Variants in FAM120A observed in about 807,000 individuals in gnomAD.
The protein encoded by FAM120A is family with sequence similarity 120 member A.
FAM120A carries 15 observed loss-of-function variants against 109.7 expected under a neutral mutation model. That is an observed-to-expected ratio of 0.14 (90% CI 0.09 to 0.21). The LOEUF (loss-of-function observed/expected upper bound fraction) is 0.21. FAM120A is among the 10% of genes least tolerant of loss of function. The probability of loss-of-function intolerance (pLI) is 1.00; values close to 1 mark genes in which losing one functional copy is unlikely to be tolerated. For missense variants in FAM120A, 899 were observed against 1,439.3 expected, an observed-to-expected ratio of 0.62 and a Z score of 6.07; for synonymous variants, 493 against 572.8, an observed-to-expected ratio of 0.86 and a Z score of 1.99.
chr9:93,460,376 C>G (rs565147322), intron 1 of FAM120A, among the ~76,000 whole-genome samples: 1 of 152,178 alleles, frequency 6.6e-6, no homozygotes, highest in African/African-American at 2.4e-5. Flanking sequence ...AAGTCTCACT[C>G]TGTTGCCCAA....
chr9:93,467,323 C>G (rs1223809537), intron 1 of FAM120A, among the ~76,000 whole-genome samples: 1 of 143,952 alleles, frequency 6.9e-6, no homozygotes, highest in Non-Finnish European at 1.5e-5. Context: ...AGGACATCCT[C>G]TCTGTTACTC....
intron 5 of FAM120A, among the ~76,000 whole-genome samples, chr9:93,506,493 G>A (rs1860061927): frequency 6.6e-6 from 1 of 151,580 alleles, no homozygotes; most frequent in African/African-American, 2.4e-5. Context: ...AATTTTCATA[G>A]TTTATTTGTA....
intron 1 of FAM120A, among the ~76,000 whole-genome samples, chr9:93,462,422 CGT>C (rs1191015297): frequency 3.3e-5 from 5 of 152,072 alleles, no homozygotes; most frequent in Non-Finnish European, 7.4e-5. Flanking sequence ...GGATTACAGG[CGT>C]GCGCCTGCCA....
Position 93,498,653 on chromosome 9 carries a change from G to C in FAM120A, c.934-137G>C. On this transcript the variant is annotated intron_variant, in intron 4 of 17. Coordinates refer to ENST00000277165, the MANE Select transcript of FAM120A (RefSeq NM_014612.5). This position sits in a 1 kb window ranked among gnomAD's most constrained non-coding sequence, Gnocchi z 4.4. ...AGTAATCTATTGATTTTCCCTGAAA[G>C]TTTTAATGTCATTCAAAATTCTTCT... 1 of 689,252 alleles carries C rather than the reference G, an allele frequency of 1.5e-6. No individual in the cohort carries two copies. Among genetic ancestry groups the C allele is most frequent in the South Asian group, 1.6e-5 (1 of 63,160 alleles). The allele number at this position is 689,252 out of a possible 1,614,324, so 42.7% of individuals were successfully genotyped here.
chr9:93,514,221 A>G (rs1465130393), intron 5 of FAM120A, among the ~76,000 whole-genome samples: 1 of 152,174 alleles, frequency 6.6e-6, no homozygotes, highest in African/African-American at 2.4e-5. Context: ...GAACTCATTC[A>G]CTATCATTAG....
chr9:93,507,083 T>A (rs1407108511), intron 5 of FAM120A, among the ~76,000 whole-genome samples: 1 of 152,134 alleles, frequency 6.6e-6, no homozygotes, highest in Non-Finnish European at 1.5e-5. Flanking sequence ...GGTGTGCATT[T>A]GAATTGCTTG....
chr9:93,532,415 C>T lies in FAM120A; in HGVS notation c.1909+86C>T. 6.7e-7 allele frequency: 1 copy of T among 1,486,930 alleles called. No individual in the cohort carries two copies. The highest frequency in any genetic ancestry group is 9.4e-7 in the Non-Finnish European group (1 of 1,067,384). 92.1% of individuals were successfully genotyped at this position (1,486,930 alleles called of 1,614,324 possible). The stretch of plus-strand genomic sequence containing the variant: ...TTCTAAAGCCTTAGAAGAATCATGA[C>T]TGAGTTGACCCCGAGTGCCTCTGTG... On this transcript the variant is annotated intron_variant, in intron 10 of 17. Coordinates refer to ENST00000277165, the MANE Select transcript of FAM120A (RefSeq NM_014612.5). The surrounding 1 kb of genome is among the most constrained non-coding windows in gnomAD (Gnocchi z 4.3).
intron 1 of FAM120A, among the ~76,000 whole-genome samples, chr9:93,460,113 A>G (rs1564305258): frequency 6.6e-6 from 1 of 152,242 alleles, no homozygotes; most frequent in Non-Finnish European, 1.5e-5. Flanking sequence ...GAAGAAACTA[A>G]TTAACACATA....
In FAM120A at chr9:93,538,013, A is replaced by G. The variant is rs12551084; in HGVS notation, c.1910-5209A>G. Among the ~76,000 whole-genome samples, 37 of 151,664 alleles carry G rather than the reference A, an allele frequency of 2.4e-4. 2 individuals are homozygous for G. The East Asian group carries it at 5.7e-3, about 23-fold the overall frequency. ...TCTGTGATATTACTCTTTTGGATTA[A>G]TATTCATTTCATAAGTCCTTGTACT... On this transcript the variant is annotated intron_variant, in intron 10 of 17. Coordinates refer to ENST00000277165, the MANE Select transcript of FAM120A (RefSeq NM_014612.5).
At chr9:93,509,943 G>T (rs1341682224) in intron 5 of FAM120A, among the ~76,000 whole-genome samples, 1 of 152,288 alleles carries the variant, frequency 6.6e-6, no homozygotes, top group East Asian at 1.9e-4. Flanking sequence ...ATTCTGTATT[G>T]TGCTTGCTGT....
At chr9:93,557,435 CCATTTTAAA>C (rs1238819736) in intron 13 of FAM120A, among the ~76,000 whole-genome samples, 1 of 152,068 alleles carries the variant, frequency 6.6e-6, no homozygotes, top group Non-Finnish European at 1.5e-5. Flanking sequence ...CAGCCAGGGA[CCATTTTAAA>C]CAGTGAAATT....
At chr9:93,514,774 A>G (rs1488446869) in intron 5 of FAM120A, among the ~76,000 whole-genome samples, 3 of 152,160 alleles carry the variant, frequency 2.0e-5, no homozygotes, top group Non-Finnish European at 4.4e-5. Context: ...CTTTATGGGC[A>G]CCATCTACTC....
intron 10 of FAM120A, among the ~76,000 whole-genome samples, chr9:93,535,286 A>G (rs1466229140): frequency 2.0e-5 from 3 of 152,142 alleles, no homozygotes; most frequent in African/African-American, 4.8e-5. Context: ...ATGAACTTTG[A>G]TTTTGATATT....
chr9:93,477,271 G>T (rs1858589974), intron 3 of FAM120A, among the ~76,000 whole-genome samples: 1 of 152,174 alleles, frequency 6.6e-6, no homozygotes, highest in Non-Finnish European at 1.5e-5. Context: ...TAACTCTGGT[G>T]ATACCCAAAA....
Position 93,556,506 on chromosome 9 carries a change from T to C in FAM120A, c.2399T>C (p.Met800Thr). ...CCCTGGGAACACTGTTGTCCTTGGATGTATTTTGATGGGAAGCTCTTCCAA... is the reference window on the plus strand; with the variant it reads ...CCCTGGGAACACTGTTGTCCTTGGACGTATTTTGATGGGAAGCTCTTCCAA... Reference protein sequence around the residue: ...PIPWEHCCPWMYFDGKLFQSK... With the variant: ...PIPWEHCCPWTYFDGKLFQSK... Residue 800 changes from methionine (M) to threonine (T), a missense_variant, in exon 13 of 18, where the codon ATG becomes ACG. Physicochemically the swap from Met to Thr is moderately conservative, Grantham distance 81. This residue lies in a region of FAM120A where 31 missense variants were observed against 73.0 expected (regional missense o/e 0.42). Transcript: ENST00000277165. The C allele has an allele frequency of 1.2e-6, 2 of 1,614,212 alleles. No homozygotes were observed. The highest frequency in any genetic ancestry group is 4.5e-5 in the East Asian group (2 of 44,890).
chr9:93,557,605 C>T, intron 13 of FAM120A, among the ~76,000 whole-genome samples: 1 of 152,208 alleles, frequency 6.6e-6, no homozygotes, highest in East Asian at 1.9e-4. Context: ...AAAATCTTTG[C>T]CGTGTTCTGC....
chr9:93,459,521 G>T (rs1047178593), intron 1 of FAM120A, among the ~76,000 whole-genome samples: 14 of 152,194 alleles, frequency 9.2e-5, no homozygotes, highest in Admixed American at 6.5e-5. Flanking sequence ...CCCAGGCCTG[G>T]AGGAGTGAAC....
At chr9:93,491,311 C>T (rs1859308237) in intron 3 of FAM120A, among the ~76,000 whole-genome samples, 2 of 152,132 alleles carry the variant, frequency 1.3e-5, no homozygotes, top group South Asian at 2.1e-4. Context: ...CAATGGGGCA[C>T]CACCGCTCAT....
At chr9:93,477,454 T>C (rs1858597143) in intron 3 of FAM120A, among the ~76,000 whole-genome samples, 1 of 152,240 alleles carries the variant, frequency 6.6e-6, no homozygotes, top group Non-Finnish European at 1.5e-5. Flanking sequence ...TCTTCTCTTG[T>C]TAGAAATTAC....
Sources: allele counts gnomAD v4.1 joint callset (sites outside exome capture counted in the v4.1 genomes callset), GRCh38; gene constraint gnomAD v4.1.1; regional missense constraint gnomAD v4.1.1; non-coding constraint Gnocchi (gnomAD v3.1); transcripts MANE v1.5; gene names NCBI Gene and HGNC (gene_info 2026-07-23, HGNC 2026-07-21).